Variants in TGFBR1 observed in about 807,000 individuals in gnomAD.
The protein encoded by TGFBR1 is TGF-beta receptor type-1.
A neutral mutation model predicts 55.1 loss-of-function variants in TGFBR1; 20 were observed. The ratio of observed to expected loss-of-function variants is 0.36; its 90% CI spans 0.26 to 0.53. TGFBR1 has a LOEUF of 0.53. Ranked by LOEUF, TGFBR1 falls within the 20% of genes least tolerant of loss-of-function variation. TGFBR1 has a pLI of 0.91. For synonymous variants in TGFBR1, 220 were observed against 214.8 expected (o/e 1.02, Z -0.21); for missense variants, 385 against 617.6 (o/e 0.62, Z 3.99).
intron 1 of TGFBR1, among the ~76,000 whole-genome samples, chr9:99,124,221 TC>T (rs1231909044): frequency 6.6e-6 from 1 of 152,144 alleles, no homozygotes; most frequent in Non-Finnish European, 1.5e-5. Flanking sequence ...TGATCATTCT[TC>T]TCAGGACTCA....
chr9:99,142,183 G>T (rs1827634300), intron 4 of TGFBR1, among the ~76,000 whole-genome samples: 1 of 151,768 alleles, frequency 6.6e-6, no homozygotes, highest in Non-Finnish European at 1.5e-5. Context: ...CTCCTTCCAG[G>T]AACAGCCACT....
At chr9:99,137,161 G>A (rs1827462648) in intron 3 of TGFBR1, among the ~76,000 whole-genome samples, 1 of 152,160 alleles carries the variant, frequency 6.6e-6, no homozygotes, top group African/African-American at 2.4e-5. Flanking sequence ...AGATACTAGT[G>A]TTGTCTATGT....
At position 99,129,094 on chromosome 9, in the gene TGFBR1, A is replaced by G. The variant is rs762573778; in HGVS notation, c.337A>G (p.Thr113Ala). ...CCATTGCAATAAAATAGAACTTCCAACTACTGGTAAGTTGTATAAAATTTT... is the reference window on the plus strand; with the variant it reads ...CCATTGCAATAAAATAGAACTTCCAGCTACTGGTAAGTTGTATAAAATTTT... Reference protein sequence around the residue: ...QDHCNKIELPTTVKSSPGLGP... With the variant: ...QDHCNKIELPATVKSSPGLGP... The change falls in exon 2 of 9, where the codon ACT (threonine) becomes GCT (alanine). Residue 113 changes from threonine (T) to alanine (A), a missense_variant. This residue lies in a region of TGFBR1 where 146 missense variants were observed against 167.7 expected (regional missense o/e 0.87). Coordinates refer to ENST00000374994, the MANE Select transcript of TGFBR1 (RefSeq NM_004612.4). 4 of 1,613,852 alleles carry G rather than the reference A, an allele frequency of 2.5e-6. No homozygotes were observed. The highest frequency in any genetic ancestry group is 3.4e-6 in the Non-Finnish European group (4 of 1,179,878).
At chr9:99,122,566 A>T (rs1826927027) in intron 1 of TGFBR1, among the ~76,000 whole-genome samples, 1 of 152,110 alleles carries the variant, frequency 6.6e-6, no homozygotes, top group Non-Finnish European at 1.5e-5. Context: ...TACCATGAAT[A>T]ATAACCCCAA....
intron 4 of TGFBR1, 59 bp from the exon 5 acceptor site, chr9:99,142,472 ACCATT>A: frequency 6.3e-7 from 1 of 1,579,920 alleles, no homozygotes; most frequent in Non-Finnish European, 8.7e-7. Flanking sequence ...AAAAGTAATA[ACCATT>A]GAACAAATAA....
chr9:99,132,835 T>A, intron 3 of TGFBR1, 96 bp downstream of exon 3: 7 of 1,477,814 alleles, frequency 4.7e-6, no homozygotes, highest in Non-Finnish European at 6.5e-6. Context: ...TGCTAGAATG[T>A]GAGATAGTAT....
Position 99,147,338 on chromosome 9 carries a change from T to G in TGFBR1, c.1256-316T>G, listed in dbSNP as rs887586575. 2.0e-5 allele frequency among the ~76,000 whole-genome samples: 3 copies of G among 152,246 alleles called. No individual in the cohort carries two copies. The East Asian group carries it at 5.8e-4, about 29-fold the overall frequency. On this transcript the variant is annotated intron_variant, in intron 7 of 8. Coordinates refer to ENST00000374994, the MANE Select transcript of TGFBR1 (RefSeq NM_004612.4). ...AGTGAGAGCCTGTGCACTTACAGAA[T>G]AGAATCTCATTTGCTGCACAATAGG...
In TGFBR1 at chr9:99,147,699, C is replaced by G. The variant is rs886039078; in HGVS notation, c.1301C>G (p.Ser434Cys). Residue 434 changes from serine (S) to cysteine (C), a missense_variant, in exon 8 of 9, where the codon TCT becomes TGT. Transcript: ENST00000374994. ...YQLPYYDLVP[S>C]DPSVEEMRKV... is the part of the protein sequence containing the mutation. ...CTGCCTTATTATGATCTTGTACCTT[C>G]TGACCCATCAGTTGAAGAAATGAGA... 8.1e-6 allele frequency: 13 copies of G among 1,613,554 alleles called. No homozygotes were observed. The African/African-American group carries it at 1.7e-4, about 22-fold the overall frequency.
At chr9:99,142,506 C>G (rs186741374) in intron 4 of TGFBR1, 30 bp from the exon 5 acceptor site, 1 of 1,613,524 alleles carries the variant, frequency 6.2e-7, no homozygotes, top group Non-Finnish European at 8.5e-7. Context: ...TGGTCTGCAG[C>G]CCAACCGAAA....
chr9:99,129,938 C>T (rs191970780), intron 2 of TGFBR1, among the ~76,000 whole-genome samples: 83 of 152,076 alleles, frequency 5.5e-4, no homozygotes, highest in Non-Finnish European at 8.5e-4. Flanking sequence ...AATTTCCTGG[C>T]AGAACCAGCA....
rs1827951926 is a variant in TGFBR1, at chr9:99,150,502, AT to A, written c.*1200del. 4.7e-6 allele frequency: 1 copy of A among 214,070 alleles called. No individual in the cohort carries two copies. 13.3% of individuals were successfully genotyped at this position (214,070 alleles called of 1,614,324 possible). On this transcript the variant is annotated 3_prime_UTR_variant, in exon 9 of 9. Transcript: ENST00000374994. ...TCTAGGAAGGCGAAGGTAGTTAATA[AT>A]TTGAATAGATAACAGATGTGCAAGA...
chr9:99,141,127 C>T (rs141913478), intron 4 of TGFBR1, among the ~76,000 whole-genome samples: 1 of 152,322 alleles, frequency 6.6e-6, no homozygotes, highest in East Asian at 1.9e-4. Flanking sequence ...GTTTCCCTTT[C>T]TTCCATCTGC....
chr9:99,153,666 TTAAAA>T lies in TGFBR1; in HGVS notation c.*4366_*4370del, dbSNP rs1317970551. The T allele has an allele frequency of 2.0e-5, 4 of 198,408 alleles. No homozygotes were observed. In the East Asian group the frequency reaches 2.3e-4, roughly 12 times the overall value. The allele number at this position is 198,408 out of a possible 1,614,324, so 12.3% of individuals were successfully genotyped here. Reference sequence around the variant, plus strand: ...TTTTCCCAAGTGCCAGTGGCATATTTTAAAATAAAGTGTATACGTTGGAATGAGTC... The same window carrying T: ...TTTTCCCAAGTGCCAGTGGCATATTTTAAAGTGTATACGTTGGAATGAGTC... On this transcript the variant is annotated 3_prime_UTR_variant, in exon 9 of 9. Coordinates refer to ENST00000374994, the MANE Select transcript of TGFBR1 (RefSeq NM_004612.4).
chr9:99,153,816 C>T lies in TGFBR1; in HGVS notation c.*4511C>T, dbSNP rs1396088832. 4 of 211,202 alleles carry T rather than the reference C, an allele frequency of 1.9e-5. No homozygotes were observed. The East Asian group carries it at 2.8e-4, about 15-fold the overall frequency. The allele number at this position is 211,202 out of a possible 1,614,324, so 13.1% of individuals were successfully genotyped here. ...TTATAGCGTGTTCGGGGAGTGCCCT[C>T]CTGTCTGCAGGTGTGTCTCTGTGCC... On this transcript the variant is annotated 3_prime_UTR_variant, in exon 9 of 9. Transcript: ENST00000374994.
At chr9:99,112,180 G>A (rs1339804979) in intron 1 of TGFBR1, among the ~76,000 whole-genome samples, 1 of 152,192 alleles carries the variant, frequency 6.6e-6, no homozygotes, top group Admixed American at 6.5e-5. Flanking sequence ...ATGGATCAGG[G>A]TGGCTACCCA....
chr9:99,146,939 C>G (rs974179017), intron 7 of TGFBR1, among the ~76,000 whole-genome samples: 1 of 152,146 alleles, frequency 6.6e-6, no homozygotes, highest in Non-Finnish European at 1.5e-5. Context: ...CTAGCATGTA[C>G]CTGGGTGTCA....
At chr9:99,127,444 A>C (rs536453060) in intron 1 of TGFBR1, among the ~76,000 whole-genome samples, 1 of 152,192 alleles carries the variant, frequency 6.6e-6, no homozygotes, top group Non-Finnish European at 1.5e-5. Flanking sequence ...CTGTCTGACA[A>C]AATTGGTACC....
At position 99,151,390 on chromosome 9, in the gene TGFBR1, T is replaced by C. The variant is rs1194038184; in HGVS notation, c.*2085T>C. On this transcript the variant is annotated 3_prime_UTR_variant, in exon 9 of 9. Coordinates refer to ENST00000374994, the MANE Select transcript of TGFBR1 (RefSeq NM_004612.4). ...TCAGGTACTTTTTTTGTGGGGGTTT[T>C]TTTTTTGTTTTTTTTTTTTTGTTGT... The C allele has an allele frequency of 4.7e-6, 1 of 214,774 alleles. No homozygotes were observed. Among genetic ancestry groups the C allele is most frequent in the African/African-American group, 2.5e-5 (1 of 40,380 alleles). The allele number at this position is 214,774 out of a possible 1,614,324, so 13.3% of individuals were successfully genotyped here. A position where few individuals can be genotyped will look rare whatever the true frequency, so the allele number is the denominator to read the frequency against.
At position 99,152,231 on chromosome 9, in the gene TGFBR1, G is replaced by A; in HGVS notation, c.*2926G>A. The A allele has an allele frequency of 4.7e-6, 1 of 213,308 alleles. No homozygotes were observed. Among genetic ancestry groups the A allele is most frequent in the East Asian group, 6.9e-5 (1 of 14,456 alleles). The allele number at this position is 213,308 out of a possible 1,614,324, so 13.2% of individuals were successfully genotyped here. A position where few individuals can be genotyped will look rare whatever the true frequency, so the allele number is the denominator to read the frequency against. The stretch of plus-strand genomic sequence containing the variant: ...AGAGGTGGAAGGGAGGGGTCTCCAA[G>A]TTTGGAGATTGAGCAGATGAGGCTT... On this transcript the variant is annotated 3_prime_UTR_variant, in exon 9 of 9. Coordinates refer to ENST00000374994, the MANE Select transcript of TGFBR1 (RefSeq NM_004612.4).
Sources: allele counts gnomAD v4.1 joint callset (sites outside exome capture counted in the v4.1 genomes callset), GRCh38; gene constraint gnomAD v4.1.1; regional missense constraint gnomAD v4.1.1; transcripts MANE v1.5; gene names NCBI Gene and HGNC (gene_info 2026-07-23, HGNC 2026-07-21).